Variants in KANK4 observed in about 807,000 individuals in gnomAD.
KANK4 encodes KN motif and ankyrin repeat domain-containing protein 4.
In KANK4, 50 loss-of-function variants were observed where a neutral mutation model predicts 80.8. The observed-to-expected ratio is 0.62, with a 90% CI of 0.49 to 0.78. The LOEUF (loss-of-function observed/expected upper bound fraction) is 0.78. Ranked by LOEUF, KANK4 falls within the 30% of genes least tolerant of loss-of-function variation. The pLI is 0.00. For synonymous variants in KANK4, 465 were observed against 506.9 expected, an observed-to-expected ratio of 0.92 and a Z score of 1.11; for missense variants, 1,196 against 1,240.1, an observed-to-expected ratio of 0.96 and a Z score of 0.53.
intron 1 of KANK4, among the ~76,000 whole-genome samples, chr1:62,282,591 T>C (rs1672475103): frequency 6.6e-6 from 1 of 151,356 alleles, no homozygotes; most frequent in Admixed American, 6.6e-5. Context: ...AAACCAAGGA[T>C]GGAAAAAAGG....
intron 8 of KANK4, among the ~76,000 whole-genome samples, chr1:62,249,687 C>T (rs543073146): frequency 4.0e-5 from 6 of 151,818 alleles, no homozygotes; most frequent in Admixed American, 2.6e-4. Context: ...GGATTACGGG[C>T]GCCCACCATT....
Position 62,273,756 on chromosome 1 carries a change from C to T in KANK4, c.1348G>A (p.Glu450Lys). The change falls in exon 3 of 10, where the codon GAG becomes AAG. Residue 450 changes from glutamate to lysine, a missense_variant. Physicochemically the swap from Glu to Lys is moderately conservative, Grantham distance 56. Transcript: ENST00000371153. ...MESESWGHRGEENGLLWGPDG... is the reference protein window; with the variant it reads ...MESESWGHRGKENGLLWGPDG... The stretch of plus-strand genomic sequence containing the variant: ...GGCCCCCATAGGAGGCCATTCTCCT[C>T]TCCTCGGTGCCCCCAGCTTTCAGAC... 1 of 1,614,134 alleles carries T rather than the reference C, an allele frequency of 6.2e-7. No homozygotes were observed. Among genetic ancestry groups the T allele is most frequent in the Non-Finnish European group, 8.5e-7 (1 of 1,180,018 alleles).
At chr1:62,258,940 A>C (rs905906824) in intron 7 of KANK4, among the ~76,000 whole-genome samples, 1 of 152,100 alleles carries the variant, frequency 6.6e-6, no homozygotes, top group Non-Finnish European at 1.5e-5. Flanking sequence ...AAATACAAAA[A>C]TCCCAGGAGG....
intron 2 of KANK4, among the ~76,000 whole-genome samples, chr1:62,276,969 T>A (rs926413129): frequency 6.6e-6 from 1 of 152,182 alleles, no homozygotes; most frequent in Non-Finnish European, 1.5e-5. Context: ...GATTGCTTGG[T>A]TTTAAGGGTA....
At chr1:62,264,175 T>C (rs1272327126) in intron 6 of KANK4, among the ~76,000 whole-genome samples, 1 of 152,168 alleles carries the variant, frequency 6.6e-6, no homozygotes, top group Non-Finnish European at 1.5e-5. Flanking sequence ...CCCAACACTT[T>C]GGGAGGCCGA....
chr1:62,273,894 T>C lies in KANK4; in HGVS notation c.1210A>G (p.Lys404Glu), dbSNP rs1557489147. ...LEGQFHQENAKDTQGQTDVMV... is the reference protein window; with the variant it reads ...LEGQFHQENAEDTQGQTDVMV... ...ACGTCCGTCTGGCCCTGAGTGTCTTTGGCGTTCTCTTGGTGAAACTGTCCT... is the reference window on the plus strand; with the variant it reads ...ACGTCCGTCTGGCCCTGAGTGTCTTCGGCGTTCTCTTGGTGAAACTGTCCT... The change falls in exon 3 of 10, where the codon AAA becomes GAA. Residue 404 changes from lysine (K) to glutamate (E), a missense_variant. By Grantham distance (56) the Lys-to-Glu change is moderately conservative. Around this residue, in one of 3 missense-constraint regions of KANK4, gnomAD observed 1,154 missense variants for 1,179.6 expected, o/e 0.98. Transcript: ENST00000371153. The C allele has an allele frequency of 2.5e-6, 4 of 1,614,090 alleles. No individual in the cohort carries two copies. The highest frequency in any genetic ancestry group is 4.5e-5 in the East Asian group (2 of 44,886).
At chr1:62,305,203 T>G (rs1286772523) in intron 1 of KANK4, among the ~76,000 whole-genome samples, 1 of 152,172 alleles carries the variant, frequency 6.6e-6, no homozygotes, top group Non-Finnish European at 1.5e-5. Flanking sequence ...GAACACCACA[T>G]ACCTACCTGG....
intron 2 of KANK4, among the ~76,000 whole-genome samples, chr1:62,276,271 A>G (rs17123329): frequency 0.051 from 7,748 of 152,238 alleles, 223 homozygotes; most frequent in East Asian, 0.14. Flanking sequence ...AATATTCCTC[A>G]TGTGACGCCC....
chr1:62,236,298 A>G lies in KANK4; in HGVS notation c.*1979T>C, dbSNP rs1207263226. On this transcript the variant is annotated 3_prime_UTR_variant, in exon 10 of 10. Coordinates refer to ENST00000371153, the MANE Select transcript of KANK4 (RefSeq NM_181712.5). ...AATGCAGAATCTCAGGCCCCACCCC[A>G]GACCTACTGCCTTCTAACAAGATCC... 1.3e-5 allele frequency among the ~76,000 whole-genome samples: 2 copies of G among 152,204 alleles called. No individual in the cohort carries two copies. Among genetic ancestry groups the G allele is most frequent in the South Asian group, 2.1e-4 (1 of 4,830 alleles).
At chr1:62,258,779 A>G (rs548493838) in intron 7 of KANK4, among the ~76,000 whole-genome samples, 1 of 152,266 alleles carries the variant, frequency 6.6e-6, no homozygotes, top group Non-Finnish European at 1.5e-5. Context: ...AGAAAGAAAG[A>G]GGGTTCTCCC....
intron 8 of KANK4, 102 bp from the exon 9 acceptor site, chr1:62,247,774 C>T (rs1671507519): frequency 1.1e-6 from 1 of 927,018 alleles, no homozygotes; most frequent in Non-Finnish European, 1.7e-6. Context: ...ATACCACAAC[C>T]ACTGATTTGA....
At chr1:62,259,022 C>T (rs534874324) in intron 7 of KANK4, among the ~76,000 whole-genome samples, 17 of 152,008 alleles carry the variant, frequency 1.1e-4, no homozygotes, top group Non-Finnish European at 2.1e-4. Context: ...GCAGCAGAGA[C>T]GGCCCAGGCA....
intron 7 of KANK4, among the ~76,000 whole-genome samples, chr1:62,262,664 A>T (rs985517843): frequency 6.6e-6 from 1 of 152,180 alleles, no homozygotes; most frequent in East Asian, 1.9e-4. Flanking sequence ...CATACATTCC[A>T]CGGAATACTA....
intron 2 of KANK4, among the ~76,000 whole-genome samples, chr1:62,276,231 T>C (rs116244512): frequency 2.6e-4 from 40 of 152,334 alleles, no homozygotes; most frequent in African/African-American, 9.1e-4. Flanking sequence ...AAGCAACCTC[T>C]TCTTCAGGTT....
In KANK4 at chr1:62,273,647, A is replaced by G; in HGVS notation, c.1457T>C (p.Val486Ala). ...GAAGCTATGTACAGAGGAGGTAAGG[A>G]CCTGCTCGGGTCCCTGTGGCAGTGA... is the stretch of plus-strand genomic sequence containing the variant. ...QLSLPQGPEQ[V>A]LTSSVHSFLS... is the part of the protein sequence containing the mutation. Residue 486 changes from valine (V) to alanine (A), a missense_variant, in exon 3 of 10, where the codon GTC (valine) becomes GCC (alanine). This residue lies in a region of KANK4 where 1,154 missense variants were observed against 1,179.6 expected (regional missense o/e 0.98). Transcript: ENST00000371153. 3.7e-6 allele frequency: 6 copies of G among 1,614,076 alleles called. No homozygotes were observed. Among genetic ancestry groups the G allele is most frequent in the Non-Finnish European group, 5.1e-6 (6 of 1,180,006 alleles).
At chr1:62,318,191 G>A (rs1644558000) in intron 1 of KANK4, among the ~76,000 whole-genome samples, 1 of 152,154 alleles carries the variant, frequency 6.6e-6, no homozygotes, top group African/African-American at 2.4e-5. Flanking sequence ...TGGTAGATAG[G>A]ACTTTGCCCA....
intron 1 of KANK4, among the ~76,000 whole-genome samples, chr1:62,285,860 G>A (rs1417571905): frequency 1.3e-5 from 2 of 152,032 alleles, no homozygotes; most frequent in African/African-American, 4.8e-5. Flanking sequence ...CCCCATCCCA[G>A]GACCCCAGCC....
chr1:62,286,738 T>C (rs1007489514), intron 1 of KANK4, among the ~76,000 whole-genome samples: 3 of 152,150 alleles, frequency 2.0e-5, no homozygotes, highest in African/African-American at 7.2e-5. Context: ...GGCTCCGCTT[T>C]AGAAACATCC....
Position 62,274,653 on chromosome 1 carries a change from T to G in KANK4, c.451A>C (p.Thr151Pro). Residue 151 changes from threonine (T) to proline (P), a missense_variant, in exon 3 of 10, where the codon ACT (threonine) becomes CCT (proline). Thr to Pro is a conservative substitution (Grantham distance 38). Transcript: ENST00000371153. ...AGCTGGGGCCGTCCACTCCCAAAAG[T>G]GAGCTCGGCATCCTCTGGCTCAGCA... Reference protein sequence around the residue: ...EAAEPEDAELTFGSGRPQLLR... With the variant: ...EAAEPEDAELPFGSGRPQLLR... The G allele has an allele frequency of 6.2e-7, 1 of 1,614,168 alleles. No individual in the cohort carries two copies. Among genetic ancestry groups the G allele is most frequent in the Non-Finnish European group, 8.5e-7 (1 of 1,180,020 alleles).
Sources: gnomAD v4.1 joint callset for allele counts (sites outside exome capture counted in the v4.1 genomes callset) on GRCh38, gnomAD v4.1.1 for gene constraint, gnomAD v4.1.1 regional missense constraint, MANE v1.5 for transcripts, NCBI Gene and HGNC (gene_info 2026-07-23, HGNC 2026-07-21) for gene names.